ZC3H3: variants seen among roughly 807,000 people sequenced by gnomAD.
ZC3H3 encodes zinc finger CCCH domain-containing protein 3.
Under a neutral mutation model 77.3 loss-of-function variants are expected in ZC3H3, and 36 were observed. The observed-to-expected ratio is 0.47, with a 90% CI of 0.36 to 0.61. ZC3H3 has a LOEUF of 0.61. Among genes scored for constraint, ZC3H3 ranks in the 20% least tolerant of loss-of-function variants. The probability of loss-of-function intolerance (pLI) is 0.00; values close to 1 mark genes in which losing one functional copy is unlikely to be tolerated. For missense variants in ZC3H3, 1,331 were observed against 1,312.2 expected, an observed-to-expected ratio of 1.01 and a Z score of -0.22; for synonymous variants, 626 against 555.2, an observed-to-expected ratio of 1.13 and a Z score of -1.79.
In ZC3H3 at chr8:143,509,001, C is replaced by T. The variant is rs544725238; in HGVS notation, c.1562-1102G>A. Among the ~76,000 whole-genome samples, 13 of 152,284 alleles carry T rather than the reference C, an allele frequency of 8.5e-5. No homozygotes were observed. In the East Asian group the frequency reaches 2.1e-3, roughly 25 times the overall value. On this transcript the variant is annotated intron_variant, in intron 3 of 11. Transcript: ENST00000262577. ...CCCCTCCTTGAGGCCGAGCTTCTAG[C>T]CCATCTCTCCACAGACTCGCTCACT...
At chr8:143,528,865 T>C (rs905220806) in intron 3 of ZC3H3, among the ~76,000 whole-genome samples, 6 of 152,216 alleles carry the variant, frequency 3.9e-5, no homozygotes, top group African/African-American at 1.4e-4. Context: ...CACCAGGAGC[T>C]GCCGCAGCCT....
At chr8:143,471,036 T>G (rs1280878831) in intron 5 of ZC3H3, among the ~76,000 whole-genome samples, 1 of 151,880 alleles carries the variant, frequency 6.6e-6, no homozygotes, top group African/African-American at 2.4e-5. Context: ...GCAAGCGGGG[T>G]GGGGGCCTTG....
intron 9 of ZC3H3, among the ~76,000 whole-genome samples, chr8:143,453,328 G>A (rs4874130): frequency 0.63 from 95,416 of 151,770 alleles, 30,219 homozygotes; most frequent in African/African-American, 0.66. Context: ...GGCTCAAGCA[G>A]TTTGCCCACC....
intron 9 of ZC3H3, among the ~76,000 whole-genome samples, chr8:143,445,313 G>A (rs1258955506): frequency 6.6e-6 from 1 of 151,922 alleles, no homozygotes; most frequent in Non-Finnish European, 1.5e-5. Context: ...CCTGGGAGGT[G>A]GAGGCTGCAG....
At chr8:143,454,534 T>C (rs561608089) in intron 9 of ZC3H3, among the ~76,000 whole-genome samples, 1 of 152,044 alleles carries the variant, frequency 6.6e-6, no homozygotes, top group East Asian at 1.9e-4. Context: ...GCCTCCTAAG[T>C]AGCTGGGACT....
chr8:143,440,818 TG>T, intron 10 of ZC3H3, 117 bp downstream of exon 10: 1 of 1,148,198 alleles, frequency 8.7e-7, no homozygotes, highest in Non-Finnish European at 1.1e-6. Flanking sequence ...GATTTCTTTC[TG>T]GTCTGAGGCC....
Position 143,465,785 on chromosome 8 carries a change from C to T in ZC3H3, c.2239G>A (p.Val747Met). ...ACCTCGGCCTTGCGGGACACGTACA[C>T]GTGGCTATAGGGACAGTTGCTGTTG... ...CSNSNCPYSH[V>M]YVSRKAEVCS... Residue 747 changes from valine (V) to methionine (M), a missense_variant, in exon 9 of 12, where the codon GTG becomes ATG. Physicochemically the swap from Val to Met is conservative, Grantham distance 21. Coordinates refer to ENST00000262577, the MANE Select transcript of ZC3H3 (RefSeq NM_015117.3). 2 of 1,613,874 alleles carry T rather than the reference C, an allele frequency of 1.2e-6. No individual in the cohort carries two copies. Among genetic ancestry groups the T allele is most frequent in the Non-Finnish European group, 1.7e-6 (2 of 1,180,018 alleles).
intron 3 of ZC3H3, among the ~76,000 whole-genome samples, chr8:143,508,814 C>T (rs1821789469): frequency 6.6e-6 from 1 of 151,814 alleles, no homozygotes; most frequent in South Asian, 2.1e-4. Context: ...TGCCCAGCTT[C>T]CCCTGTGCCC....
chr8:143,521,976 G>A (rs1427139448), intron 3 of ZC3H3, among the ~76,000 whole-genome samples: 2 of 152,258 alleles, frequency 1.3e-5, no homozygotes, highest in Admixed American at 6.5e-5. Context: ...GGGGATACCC[G>A]CAAAGTGCCC....
rs1203377977 is a variant in ZC3H3, at chr8:143,533,592, T to G, written c.1561+2665A>C. On this transcript the variant is annotated intron_variant, in intron 3 of 11. Transcript: ENST00000262577. The surrounding 1 kb of genome is among the most constrained non-coding windows in gnomAD (Gnocchi z 4.0). ...CAGTGACTCAACCACGCTTGCCAGT[T>G]GGGCCAGTGGTGGGCAAGTGAGTGG... is the stretch of plus-strand genomic sequence containing the variant. Among the ~76,000 whole-genome samples, 1 of 151,952 alleles carries G rather than the reference T, an allele frequency of 6.6e-6. No homozygotes were observed. The highest frequency in any genetic ancestry group is 1.5e-5 in the Non-Finnish European group (1 of 67,976).
intron 4 of ZC3H3, among the ~76,000 whole-genome samples, chr8:143,477,787 A>C (rs1820778743): frequency 6.6e-6 from 1 of 152,166 alleles, no homozygotes; most frequent in Non-Finnish European, 1.5e-5. Context: ...CACAGGCCTC[A>C]GGGGTCTCAC....
At chr8:143,502,631 G>A (rs564807612) in intron 4 of ZC3H3, among the ~76,000 whole-genome samples, 4 of 152,290 alleles carry the variant, frequency 2.6e-5, no homozygotes, top group Non-Finnish European at 2.9e-5. Context: ...TGTTTATTTC[G>A]CACTTTCATG....
In ZC3H3 at chr8:143,533,532, T is replaced by A. The variant is rs926713327; in HGVS notation, c.1561+2725A>T. ...AGCCTCATCATCTCTTCACCTTCAC[T>A]GCAGTATCCCCAGGAGCCGGCAGGC... On this transcript the variant is annotated intron_variant, in intron 3 of 11. Coordinates refer to ENST00000262577, the MANE Select transcript of ZC3H3 (RefSeq NM_015117.3). This position sits in a 1 kb window ranked among gnomAD's most constrained non-coding sequence, Gnocchi z 4.0. Among the ~76,000 whole-genome samples the A allele has an allele frequency of 6.6e-6, 1 of 152,136 alleles. No homozygotes were observed. The highest frequency in any genetic ancestry group is 2.4e-5 in the African/African-American group (1 of 41,416).
intron 4 of ZC3H3, among the ~76,000 whole-genome samples, chr8:143,489,265 C>G (rs1037231135): frequency 6.6e-6 from 1 of 151,954 alleles, no homozygotes; most frequent in African/African-American, 2.4e-5. Context: ...TGCCACTCTC[C>G]ATGACTGCTA....
At chr8:143,537,975 C>A in intron 2 of ZC3H3, 28 bp downstream of exon 2, 1 of 1,570,504 alleles carries the variant, frequency 6.4e-7, no homozygotes. Flanking sequence ...GCCCCTCACA[C>A]TCTACCGCAG....
chr8:143,537,408 CG>C (rs2130518937), intron 2 of ZC3H3, among the ~76,000 whole-genome samples: 1 of 152,348 alleles, frequency 6.6e-6, no homozygotes, highest in East Asian at 1.9e-4. Flanking sequence ...CAGCAGCCCC[CG>C]GCCCCTGCCC....
At chr8:143,525,724 T>C (rs1272747127) in intron 3 of ZC3H3, among the ~76,000 whole-genome samples, 1 of 152,352 alleles carries the variant, frequency 6.6e-6, no homozygotes, top group African/African-American at 2.4e-5. Flanking sequence ...AAGCACAGTT[T>C]GACCAGCTGG....
intron 4 of ZC3H3, among the ~76,000 whole-genome samples, chr8:143,492,212 G>C (rs1387804454): frequency 1.3e-5 from 2 of 152,210 alleles, no homozygotes; most frequent in Non-Finnish European, 2.9e-5. Context: ...GCCTCGGGGG[G>C]AGGAGTGTGC....
At chr8:143,465,890 C>T (rs778839504) in intron 8 of ZC3H3, 42 bp from the exon 9 acceptor site, 2 of 1,590,896 alleles carry the variant, frequency 1.3e-6, no homozygotes, top group Non-Finnish European at 1.7e-6. Flanking sequence ...GGCAGCCACC[C>T]TCCAGGGCCC....
Sources: allele counts gnomAD v4.1 joint callset (sites outside exome capture counted in the v4.1 genomes callset), GRCh38; gene constraint gnomAD v4.1.1; non-coding constraint Gnocchi (gnomAD v3.1); transcripts MANE v1.5; gene names NCBI Gene and HGNC (gene_info 2026-07-23, HGNC 2026-07-21).